Variants in TMEM232 observed in about 807,000 individuals in gnomAD.
TMEM232 encodes transmembrane protein 232.
Under a neutral mutation model 78.8 loss-of-function variants are expected in TMEM232, and 80 were observed. That is an observed-to-expected ratio of 1.01 (90% CI 0.85 to 1.22). The LOEUF (loss-of-function observed/expected upper bound fraction) is 1.22. Ranked by LOEUF, TMEM232 falls within the 50% of genes most tolerant of loss-of-function variation. TMEM232 has a pLI of 0.00. For synonymous variants in TMEM232, 297 were observed against 254.3 expected, an observed-to-expected ratio of 1.17 and a Z score of -1.60; for missense variants, 881 against 742.2, an observed-to-expected ratio of 1.19 and a Z score of -2.17.
upstream of TMEM232, among the ~76,000 whole-genome samples, chr5:110,729,284 C>T (rs1318444378): frequency 6.6e-6 from 1 of 152,172 alleles, no homozygotes; most frequent in Non-Finnish European, 1.5e-5. Context: ...TTCTTAATAA[C>T]CTCATGCATG....
intron 1 of TMEM232, among the ~76,000 whole-genome samples, chr5:110,692,822 C>T (rs1409846272): frequency 1.3e-5 from 2 of 152,174 alleles, no homozygotes; most frequent in African/African-American, 4.8e-5. Context: ...CTGGGTAGAG[C>T]CCATCACAGC....
chr5:110,439,782 G>A (rs1347330528), intron 12 of TMEM232, among the ~76,000 whole-genome samples: 7 of 151,922 alleles, frequency 4.6e-5, no homozygotes, highest in African/African-American at 1.7e-4. Context: ...ATGTTCCACC[G>A]AAGCAATTCC....
intron 12 of TMEM232, among the ~76,000 whole-genome samples, chr5:110,448,274 T>TGCATA (rs1488237551): frequency 6.6e-6 from 1 of 152,064 alleles, no homozygotes; most frequent in Non-Finnish European, 1.5e-5. Context: ...CCTTATACTT[T>TGCATA]GCATAAGTAC....
At chr5:110,698,741 G>A in intron 1 of TMEM232, among the ~76,000 whole-genome samples, 1 of 152,014 alleles carries the variant, frequency 6.6e-6, no homozygotes, top group East Asian at 1.9e-4. Context: ...TCTCCCTAGG[G>A]TTATCCCTTT....
intron 12 of TMEM232, among the ~76,000 whole-genome samples, chr5:110,503,125 A>G (rs1287854192): frequency 4.6e-5 from 7 of 152,320 alleles, no homozygotes; most frequent in East Asian, 1.9e-4. Flanking sequence ...TATTTTTACT[A>G]TGATCCCAAA....
chr5:110,469,652 A>T (rs541783499), intron 12 of TMEM232, among the ~76,000 whole-genome samples: 16 of 152,268 alleles, frequency 1.1e-4, no homozygotes, highest in Non-Finnish European at 2.1e-4. Flanking sequence ...CCGTGTCAGC[A>T]CTGAGGTGAT....
intron 12 of TMEM232, among the ~76,000 whole-genome samples, chr5:110,505,982 G>A (rs563777455): frequency 2.0e-4 from 31 of 152,322 alleles, no homozygotes; most frequent in African/African-American, 7.5e-4. Context: ...GTCCACAGGT[G>A]TGGCCCAAAT....
chr5:110,410,768 C>T (rs1273971664), intron 2 of TMEM232, among the ~76,000 whole-genome samples: 1 of 152,112 alleles, frequency 6.6e-6, no homozygotes, highest in Non-Finnish European at 1.5e-5. Context: ...TACCACATTT[C>T]AAGAAGTGAA....
intron 2 of TMEM232, among the ~76,000 whole-genome samples, chr5:110,402,078 G>A (rs142067895): frequency 6.6e-4 from 101 of 152,194 alleles, no homozygotes; most frequent in African/African-American, 2.4e-3. Context: ...AAACCAAAGA[G>A]GCTGAAGAAG....
chr5:110,638,110 G>T, intron 5 of TMEM232, 88 bp downstream of exon 5: 2 of 1,016,380 alleles, frequency 2.0e-6, no homozygotes, highest in Non-Finnish European at 2.7e-6. Context: ...AAAACTAAAT[G>T]TTCTGTTTTG....
At chr5:110,674,650 C>T (rs976028655) in intron 1 of TMEM232, among the ~76,000 whole-genome samples, 1 of 152,296 alleles carries the variant, frequency 6.6e-6, no homozygotes, top group East Asian at 1.9e-4. Flanking sequence ...GCCAATAGCA[C>T]TTTATATTGC....
chr5:110,441,332 C>T (rs1272416154), intron 12 of TMEM232, among the ~76,000 whole-genome samples: 2 of 152,114 alleles, frequency 1.3e-5, no homozygotes, highest in African/African-American at 4.8e-5. Context: ...ACTACCCTAA[C>T]ATAATTGCAA....
At chr5:110,395,785 T>C (rs1025088935) in intron 3 of TMEM232, among the ~76,000 whole-genome samples, 6 of 152,298 alleles carry the variant, frequency 3.9e-5, no homozygotes, top group Non-Finnish European at 7.4e-5. Flanking sequence ...TGGCCAATTA[T>C]ACGTACATGG....
At chr5:110,713,756 CA>C (rs2150322347) in intron 1 of TMEM232, among the ~76,000 whole-genome samples, 1 of 152,268 alleles carries the variant, frequency 6.6e-6, no homozygotes, top group South Asian at 2.1e-4. Flanking sequence ...AATCAATCTT[CA>C]GATTAGGGAG....
chr5:110,404,736 G>T (rs1325120345), intron 2 of TMEM232, among the ~76,000 whole-genome samples: 3 of 152,030 alleles, frequency 2.0e-5, no homozygotes, highest in Admixed American at 2.0e-4. Context: ...ATATAATAAA[G>T]CCTTGATGAA....
At chr5:110,514,417 A>C (rs1308367944) in intron 12 of TMEM232, among the ~76,000 whole-genome samples, 1 of 152,134 alleles carries the variant, frequency 6.6e-6, no homozygotes, top group Non-Finnish European at 1.5e-5. Flanking sequence ...TATTCTAAAG[A>C]AAATAAATAT....
chr5:110,584,842 A>G lies in TMEM232; in HGVS notation c.1277-16217T>C, dbSNP rs369350604. On this transcript the variant is annotated intron_variant, in intron 10 of 13. Transcript: ENST00000455884. ...TTTTCATTAATGAATATATATCACCATAATTAATTAAGATAGGAAGCCTAA... is the reference window on the plus strand; with the variant it reads ...TTTTCATTAATGAATATATATCACCGTAATTAATTAAGATAGGAAGCCTAA... Among the ~76,000 whole-genome samples, 9 of 152,240 alleles carry G rather than the reference A, an allele frequency of 5.9e-5. 1 individual carries two copies. Among genetic ancestry groups the G allele is most frequent in the East Asian group, 5.8e-4 (3 of 5,168 alleles).
intron 3 of TMEM232, among the ~76,000 whole-genome samples, chr5:110,393,990 T>C (rs1384594600): frequency 6.6e-6 from 1 of 151,554 alleles, no homozygotes; most frequent in Non-Finnish European, 1.5e-5. Flanking sequence ...AAATAAATTA[T>C]TGTTGACTGT....
chr5:110,587,071 C>A (rs1226154046), intron 10 of TMEM232, among the ~76,000 whole-genome samples: 2 of 152,020 alleles, frequency 1.3e-5, no homozygotes, highest in African/African-American at 4.8e-5. Flanking sequence ...TAACTAAAAT[C>A]ATTCAGTATC....
Sources: allele counts gnomAD v4.1 joint callset (sites outside exome capture counted in the v4.1 genomes callset), GRCh38; gene constraint gnomAD v4.1.1; transcripts MANE v1.5; gene names NCBI Gene and HGNC (gene_info 2026-07-23, HGNC 2026-07-21).